Variants in COMMD1 observed in about 807,000 individuals in gnomAD.
COMMD1 encodes the protein copper metabolism domain containing 1.
In COMMD1, 10 loss-of-function variants were observed where a neutral mutation model predicts 17.2. That is an observed-to-expected ratio of 0.58 (90% confidence interval 0.36 to 0.99). The LOEUF (loss-of-function observed/expected upper bound fraction) is 0.99, where lower values mean the gene tolerates loss of function less well. Ranked by LOEUF, COMMD1 falls within the 50% of genes least tolerant of loss-of-function variation. The pLI, the probability that COMMD1 is intolerant of heterozygous loss-of-function variation, is 0.01. For synonymous variants in COMMD1, 97 were observed against 91.6 expected (o/e 1.06, Z -0.34); for missense variants, 270 against 231.8 (o/e 1.17, Z -1.07).
chr2:62,053,780 G>A (rs1211214265), intron 2 of COMMD1, among the ~76,000 whole-genome samples: 2 of 152,154 alleles, frequency 1.3e-5, no homozygotes, highest in South Asian at 2.1e-4. Flanking sequence ...GGTACATGGA[G>A]TATTTACATA....
At chr2:62,056,489 A>G (rs1175948173) in intron 2 of COMMD1, among the ~76,000 whole-genome samples, 1 of 152,220 alleles carries the variant, frequency 6.6e-6, no homozygotes, top group Non-Finnish European at 1.5e-5. Context: ...GACATATTCA[A>G]CCTGTTCAGC....
intron 2 of COMMD1, among the ~76,000 whole-genome samples, chr2:62,003,994 G>A (rs1001571326): frequency 6.6e-6 from 1 of 152,034 alleles, no homozygotes; most frequent in African/African-American, 2.4e-5. Context: ...CGTGTGTGGT[G>A]GTGTGTGTCT....
chr2:62,006,432 T>C (rs558196524), intron 2 of COMMD1, among the ~76,000 whole-genome samples: 1 of 152,106 alleles, frequency 6.6e-6, no homozygotes, highest in Non-Finnish European at 1.5e-5. Flanking sequence ...CGATATCCTT[T>C]GAGATATGAG....
chr2:61,915,436 T>A (rs963593940), intron 1 of COMMD1, among the ~76,000 whole-genome samples: 1 of 152,200 alleles, frequency 6.6e-6, no homozygotes, highest in Non-Finnish European at 1.5e-5. Flanking sequence ...TTTTCCCACT[T>A]TTTGATTGAC....
In COMMD1 at chr2:62,104,535, G is replaced by T. The variant is rs553660305; in HGVS notation, c.463-31296G>T. Among the ~76,000 whole-genome samples the T allele has an allele frequency of 6.0e-5, 9 of 150,346 alleles. No homozygotes were observed. The South Asian group carries it at 1.7e-3, about 28-fold the overall frequency. ...TGTAATCCCAGCTACTCGGGAAGCT[G>T]AGGCAGGAGAATCACTTGAAGCCAG... On this transcript the variant is annotated intron_variant, in intron 2 of 2. Coordinates refer to ENST00000311832, the MANE Select transcript of COMMD1 (RefSeq NM_152516.4).
intron 1 of COMMD1, among the ~76,000 whole-genome samples, chr2:61,977,852 G>A (rs925125325): frequency 2.0e-5 from 3 of 151,464 alleles, no homozygotes; most frequent in African/African-American, 7.3e-5. Flanking sequence ...CCCAGGGGGT[G>A]GTGGTGTGTG....
chr2:61,933,646 G>C (rs1670527420), intron 1 of COMMD1, among the ~76,000 whole-genome samples: 1 of 152,090 alleles, frequency 6.6e-6, no homozygotes, highest in African/African-American at 2.4e-5. Flanking sequence ...CTCTCACCAG[G>C]TACAGCCCCT....
chr2:62,093,827 G>A (rs1671914252), intron 2 of COMMD1, among the ~76,000 whole-genome samples: 1 of 152,124 alleles, frequency 6.6e-6, no homozygotes, highest in Non-Finnish European at 1.5e-5. Flanking sequence ...TGTTTCCATA[G>A]CATGCCAAAA....
chr2:62,120,962 G>T (rs1033259125), intron 2 of COMMD1, among the ~76,000 whole-genome samples: 1 of 151,164 alleles, frequency 6.6e-6, no homozygotes, highest in African/African-American at 2.4e-5. Flanking sequence ...CAGGCTGGTT[G>T]TGAACTCCTG....
intron 1 of COMMD1, among the ~76,000 whole-genome samples, chr2:61,964,529 T>G (rs1671456518): frequency 6.6e-6 from 1 of 152,126 alleles, no homozygotes; most frequent in Admixed American, 6.5e-5. Flanking sequence ...ATTTTTCATT[T>G]TTGTGTTTGT....
At chr2:62,125,907 A>G (rs1029247056) in intron 2 of COMMD1, among the ~76,000 whole-genome samples, 1 of 151,954 alleles carries the variant, frequency 6.6e-6, no homozygotes, top group African/African-American at 2.4e-5. Context: ...TATTTTTCCT[A>G]ATGCTCTCCT....
chr2:62,095,891 A>T (rs1671994704), intron 2 of COMMD1, among the ~76,000 whole-genome samples: 1 of 144,054 alleles, frequency 6.9e-6, no homozygotes, highest in African/African-American at 2.6e-5. Flanking sequence ...ACACACAGGT[A>T]TATATAATCC....
intron 1 of COMMD1, among the ~76,000 whole-genome samples, chr2:61,915,214 C>G (rs1352191652): frequency 2.6e-5 from 4 of 151,980 alleles, no homozygotes; most frequent in Non-Finnish European, 5.9e-5. Flanking sequence ...TCATGTTGGT[C>G]AGGTTGGTCT....
chr2:61,957,695 T>C (rs1333550774), intron 1 of COMMD1, among the ~76,000 whole-genome samples: 2 of 152,240 alleles, frequency 1.3e-5, no homozygotes, highest in South Asian at 2.1e-4. Flanking sequence ...CGCTGGTGTT[T>C]TACTGAGTTT....
intron 1 of COMMD1, among the ~76,000 whole-genome samples, chr2:61,909,966 A>C (rs1572951707): frequency 6.6e-6 from 1 of 152,040 alleles, no homozygotes. Context: ...TGGCTTTTGT[A>C]CTGGTTCTGT....
intron 2 of COMMD1, among the ~76,000 whole-genome samples, chr2:62,114,803 A>G (rs1672544206): frequency 6.6e-6 from 1 of 152,206 alleles, no homozygotes; most frequent in African/African-American, 2.4e-5. Flanking sequence ...TAGCCGATGC[A>G]TGTGTACAAG....
At chr2:61,928,790 C>T (rs925773302) in intron 1 of COMMD1, 2 of 152,156 alleles carry the variant, frequency 1.3e-5, no homozygotes, top group Non-Finnish European at 2.9e-5. Context: ...TCCCCTGAAA[C>T]AGGTCATAAA....
chr2:62,015,324 T>A (rs1669407393), intron 2 of COMMD1, among the ~76,000 whole-genome samples: 1 of 152,214 alleles, frequency 6.6e-6, no homozygotes, highest in East Asian at 1.9e-4. Context: ...GTCTTCAACT[T>A]TTATCGTTGT....
At chr2:62,067,179 G>C (rs1438792749) in intron 2 of COMMD1, among the ~76,000 whole-genome samples, 1 of 151,674 alleles carries the variant, frequency 6.6e-6, no homozygotes, top group Non-Finnish European at 1.5e-5. Context: ...GAGCAGAGAT[G>C]GTGCCACTGC....
Sources: allele counts gnomAD v4.1 joint callset (sites outside exome capture counted in the v4.1 genomes callset), GRCh38; gene constraint gnomAD v4.1.1; transcripts MANE v1.5; gene names NCBI Gene and HGNC (gene_info 2026-07-23, HGNC 2026-07-21).